The following GPAT3 variants were observed in gnomAD, a reference collection of about 807,000 sequenced individuals.
The protein encoded by GPAT3 is 1-AGP acyltransferase 9.
GPAT3 carries 53 observed loss-of-function variants against 58.8 expected under a neutral mutation model. The ratio of observed to expected loss-of-function variants is 0.90; its 90% CI spans 0.72 to 1.13. The LOEUF (loss-of-function observed/expected upper bound fraction) is 1.13, where lower values mean the gene tolerates loss of function less well. Ranked by LOEUF, GPAT3 falls within the 50% of genes most tolerant of loss-of-function variation. The pLI is 0.00. For missense variants in GPAT3, 511 were observed against 527.6 expected, an observed-to-expected ratio of 0.97 and a Z score of 0.31; for synonymous variants, 197 against 187.4, an observed-to-expected ratio of 1.05 and a Z score of -0.42.
chr4:83,556,317 G>C (rs1724937569), intron 2 of GPAT3, among the ~76,000 whole-genome samples: 1 of 152,086 alleles, frequency 6.6e-6, no homozygotes, highest in Admixed American at 6.5e-5. Flanking sequence ...GGCCAACATG[G>C]TGGAACCCTG....
intron 2 of GPAT3, among the ~76,000 whole-genome samples, chr4:83,577,505 C>T (rs1367550151): frequency 6.6e-6 from 1 of 152,024 alleles, no homozygotes; most frequent in Non-Finnish European, 1.5e-5. Context: ...TTCTAAGTGG[C>T]TCAGGAAAAT....
chr4:83,571,769 T>A (rs957730274), intron 2 of GPAT3, among the ~76,000 whole-genome samples: 2 of 151,310 alleles, frequency 1.3e-5, no homozygotes, highest in Non-Finnish European at 2.9e-5. Flanking sequence ...TATACACATA[T>A]ATAGTTTTGT....
chr4:83,579,130 T>TTCCTTCCTTCCTTC (rs1560621650), intron 2 of GPAT3, among the ~76,000 whole-genome samples: 15 of 77,070 alleles, frequency 1.9e-4, no homozygotes, highest in African/African-American at 5.6e-4. Flanking sequence ...TTCCTTCCTT[T>TTCCTTCCTTCCTTC]CTTTCTCCCT....
At chr4:83,546,811 C>T (rs1389179866) in intron 2 of GPAT3, among the ~76,000 whole-genome samples, 1 of 152,142 alleles carries the variant, frequency 6.6e-6, no homozygotes, top group Non-Finnish European at 1.5e-5. Context: ...AATTTCGGCT[C>T]TGATATGTAC....
At chr4:83,566,363 A>G (rs1725382031) in intron 2 of GPAT3, among the ~76,000 whole-genome samples, 1 of 151,748 alleles carries the variant, frequency 6.6e-6, no homozygotes, top group East Asian at 1.9e-4. Context: ...TGTCTGGTAG[A>G]AATAGTTGTT....
chr4:83,568,632 G>C (rs778519404), intron 2 of GPAT3, among the ~76,000 whole-genome samples: 2 of 151,440 alleles, frequency 1.3e-5, no homozygotes, highest in Non-Finnish European at 2.9e-5. Context: ...TTCAGCGTCC[G>C]GGGTAGCTGG....
rs1199869973 is a variant in GPAT3, at chr4:83,605,752, A to G, written c.*985A>G. 2 of 152,624 alleles carry G rather than the reference A, an allele frequency of 1.3e-5. No individual in the cohort carries two copies. The highest frequency in any genetic ancestry group is 2.9e-5 in the Non-Finnish European group (2 of 68,036). The allele number at this position is 152,624 out of a possible 1,614,324, so 9.5% of individuals were successfully genotyped here. ...ATAAGTTTTCCCCAACTCACACAGC[A>G]TAAGCAATGTTTGACAGCAATATAA... On this transcript the variant is annotated 3_prime_UTR_variant, in exon 12 of 12. Transcript: ENST00000264409.
intron 2 of GPAT3, among the ~76,000 whole-genome samples, chr4:83,556,863 A>C (rs1009477944): frequency 6.6e-6 from 1 of 152,182 alleles, no homozygotes; most frequent in African/African-American, 2.4e-5. Context: ...AAAATACCAT[A>C]GAGTGGGTGG....
chr4:83,600,544 C>T (rs923897400), intron 11 of GPAT3, among the ~76,000 whole-genome samples: 7 of 152,022 alleles, frequency 4.6e-5, no homozygotes, highest in Non-Finnish European at 7.4e-5. Context: ...CTCTCTGTCA[C>T]CCAGGCTGGA....
intron 11 of GPAT3, among the ~76,000 whole-genome samples, chr4:83,602,267 G>C (rs1727081364): frequency 6.6e-6 from 1 of 152,166 alleles, no homozygotes; most frequent in South Asian, 2.1e-4. Flanking sequence ...ACCTAGGGGA[G>C]TCAGCCAAGT....
intron 9 of GPAT3, among the ~76,000 whole-genome samples, 187 bp downstream of exon 9, chr4:83,597,702 A>T (rs1176368779): frequency 6.6e-6 from 1 of 152,182 alleles, no homozygotes; most frequent in Non-Finnish European, 1.5e-5. Context: ...AGATAGATGT[A>T]TACTGGGTGA....
chr4:83,553,105 A>G (rs2110077264), intron 2 of GPAT3, among the ~76,000 whole-genome samples: 1 of 152,356 alleles, frequency 6.6e-6, no homozygotes, highest in Middle Eastern at 3.4e-3. Flanking sequence ...TGAAGTGACT[A>G]AGGCAGTGCT....
At chr4:83,572,200 T>A (rs1578180816) in intron 2 of GPAT3, among the ~76,000 whole-genome samples, 2 of 152,156 alleles carry the variant, frequency 1.3e-5, no homozygotes, top group South Asian at 4.1e-4. Flanking sequence ...AACCACTGAG[T>A]TAGCTCAACC....
At chr4:83,584,453 C>A (rs183551655) in intron 3 of GPAT3, among the ~76,000 whole-genome samples, 1 of 152,158 alleles carries the variant, frequency 6.6e-6, no homozygotes, top group Non-Finnish European at 1.5e-5. Context: ...TATTAAGATA[C>A]AATGTGGTGA....
In GPAT3 at chr4:83,536,290, G is replaced by T. The variant is rs1266646802; in HGVS notation, c.-333G>T. Reference sequence around the variant, plus strand: ...GGCGGGTTCCTGGCTGCGCTCGCGCGCTCTGCCCGCGCCGCGGTGTGCCTC... The same window carrying T: ...GGCGGGTTCCTGGCTGCGCTCGCGCTCTCTGCCCGCGCCGCGGTGTGCCTC... On this transcript the variant is annotated 5_prime_UTR_variant, in exon 1 of 12. Transcript: ENST00000264409. 4 of 1,055,398 alleles carry T rather than the reference G, an allele frequency of 3.8e-6. No individual in the cohort carries two copies. Among genetic ancestry groups the T allele is most frequent in the Non-Finnish European group, 3.4e-6 (3 of 875,854 alleles). The allele number at this position is 1,055,398 out of a possible 1,614,324, so 65.4% of individuals were successfully genotyped here. A position where few individuals can be genotyped will look rare whatever the true frequency, so the allele number is the denominator to read the frequency against.
chr4:83,541,161 G>T (rs1724288728), intron 1 of GPAT3, among the ~76,000 whole-genome samples: 1 of 152,092 alleles, frequency 6.6e-6, no homozygotes, highest in African/African-American at 2.4e-5. Flanking sequence ...ACCTGTAGAA[G>T]AAAAGGGTTT....
chr4:83,592,395 G>A (rs1726636538), intron 6 of GPAT3, among the ~76,000 whole-genome samples: 1 of 152,026 alleles, frequency 6.6e-6, no homozygotes, highest in Non-Finnish European at 1.5e-5. Context: ...CATCATAATT[G>A]GCCTCTTTTG....
chr4:83,558,826 A>T (rs560214624), intron 2 of GPAT3, among the ~76,000 whole-genome samples: 1 of 152,320 alleles, frequency 6.6e-6, no homozygotes, highest in Non-Finnish European at 1.5e-5. Context: ...CTGAAGCCTG[A>T]AAAATGGTTA....
At chr4:83,568,995 G>A (rs1181811160) in intron 2 of GPAT3, among the ~76,000 whole-genome samples, 1 of 152,224 alleles carries the variant, frequency 6.6e-6, no homozygotes, top group African/African-American at 2.4e-5. Flanking sequence ...AAGATGTTAT[G>A]TGTGTCTGTG....
Sources: gnomAD v4.1 joint callset for allele counts (sites outside exome capture counted in the v4.1 genomes callset) on GRCh38, gnomAD v4.1.1 for gene constraint, MANE v1.5 for transcripts, NCBI Gene and HGNC (gene_info 2026-07-23, HGNC 2026-07-21) for gene names.